The following TBC1D1 variants were observed in gnomAD, a reference collection of about 807,000 sequenced individuals.
TBC1D1 encodes the protein TBC1 domain family member 1, also known as TBC1 (tre-2/USP6, BUB2, cdc16) domain family, member 1.
TBC1D1 carries 89 observed loss-of-function variants against 125.6 expected under a neutral mutation model. The ratio of observed to expected loss-of-function variants is 0.71; its 90% CI spans 0.60 to 0.85. The LOEUF is 0.85. Among genes scored for constraint, TBC1D1 ranks in the 40% least tolerant of loss-of-function variants. The probability of loss-of-function intolerance (pLI) is 0.00; values close to 1 mark genes in which losing one functional copy is unlikely to be tolerated. For synonymous variants in TBC1D1, 565 were observed against 564.1 expected, an observed-to-expected ratio of 1.00 and a Z score of -0.02; for missense variants, 1,377 against 1,469.2, an observed-to-expected ratio of 0.94 and a Z score of 1.03.
chr4:37,912,882 T>C (rs1233449209), intron 2 of TBC1D1, among the ~76,000 whole-genome samples: 1 of 152,164 alleles, frequency 6.6e-6, no homozygotes, highest in Admixed American at 6.5e-5. Context: ...GTCTCAGGTA[T>C]TTTGTTATGG....
chr4:38,133,537 C>G (rs1765966058), intron 19 of TBC1D1, among the ~76,000 whole-genome samples: 1 of 152,170 alleles, frequency 6.6e-6, no homozygotes. Context: ...AACTTGGATT[C>G]AGGATGCCGT....
At chr4:37,918,679 C>A (rs1577847078) in intron 2 of TBC1D1, among the ~76,000 whole-genome samples, 1 of 152,174 alleles carries the variant, frequency 6.6e-6, no homozygotes, top group East Asian at 1.9e-4. Flanking sequence ...AACTCCCGAC[C>A]TCAGGTGGCC....
At chr4:37,928,017 T>A (rs78765170) in intron 2 of TBC1D1, among the ~76,000 whole-genome samples, 16,211 of 152,244 alleles carry the variant, frequency 0.11, 1,078 homozygotes, top group Middle Eastern at 0.16. Flanking sequence ...AAGCATGCAC[T>A]CTAGAGTTAC....
intron 2 of TBC1D1, chr4:38,006,770 C>T (rs1321264150): frequency 2.8e-5 from 13 of 466,354 alleles, no homozygotes; most frequent in East Asian, 1.9e-4. Flanking sequence ...TGAGCCACTG[C>T]GCCTGGCCCA....
At chr4:38,102,622 G>A (rs1211031414) in intron 14 of TBC1D1, among the ~76,000 whole-genome samples, 1 of 152,070 alleles carries the variant, frequency 6.6e-6, no homozygotes, top group African/African-American at 2.4e-5. Flanking sequence ...GCTCATCCCT[G>A]TAATCCCAGG....
intron 12 of TBC1D1, among the ~76,000 whole-genome samples, chr4:38,080,615 C>G (rs887874789): frequency 1.3e-5 from 2 of 152,228 alleles, no homozygotes; most frequent in African/African-American, 4.8e-5. Context: ...ATCTCCTTCC[C>G]AGTCGTGTGT....
At chr4:37,982,755 T>C (rs1470409808) in intron 2 of TBC1D1, among the ~76,000 whole-genome samples, 2 of 152,258 alleles carry the variant, frequency 1.3e-5, no homozygotes, top group African/African-American at 2.4e-5. Context: ...ACAAATTCTT[T>C]AATCTGATTT....
intron 12 of TBC1D1, among the ~76,000 whole-genome samples, chr4:38,089,618 T>C (rs998476110): frequency 6.6e-6 from 1 of 152,230 alleles, no homozygotes; most frequent in African/African-American, 2.4e-5. Flanking sequence ...TGTATGAACA[T>C]TTTCTGTAAT....
chr4:38,110,905 C>T (rs1762093288), intron 15 of TBC1D1, among the ~76,000 whole-genome samples: 1 of 152,228 alleles, frequency 6.6e-6, no homozygotes, highest in Non-Finnish European at 1.5e-5. Flanking sequence ...GGCCTTCTCT[C>T]CTGTCTTCTT....
At chr4:37,907,930 C>T (rs1157112402) in intron 2 of TBC1D1, among the ~76,000 whole-genome samples, 1 of 152,206 alleles carries the variant, frequency 6.6e-6, no homozygotes, top group African/African-American at 2.4e-5. Context: ...ATTGCATTTT[C>T]ATTCTTTTCT....
At chr4:38,099,656 A>G (rs1455286675) in intron 14 of TBC1D1, among the ~76,000 whole-genome samples, 2 of 152,122 alleles carry the variant, frequency 1.3e-5, no homozygotes, top group South Asian at 2.1e-4. Flanking sequence ...GTAAGAAGCT[A>G]TTTACATGGG....
intron 2 of TBC1D1, among the ~76,000 whole-genome samples, chr4:37,956,392 G>A (rs1471757625): frequency 1.3e-5 from 2 of 152,182 alleles, no homozygotes; most frequent in Non-Finnish European, 2.9e-5. Context: ...TCACTAGGAT[G>A]TAAGTTTCCC....
Position 38,054,237 on chromosome 4 carries a change from G to A in TBC1D1, c.1949G>A (p.Gly650Asp), listed in dbSNP as rs926062934. 3 of 1,614,046 alleles carry A rather than the reference G, an allele frequency of 1.9e-6. No individual in the cohort carries two copies. The highest frequency in any genetic ancestry group is 3.3e-5 in the Admixed American group (2 of 60,004). Residue 650 changes from glycine to aspartate, a missense_variant, in exon 12 of 20, where the codon GGT (glycine) becomes GAT (aspartate). Gly to Asp is a moderately conservative substitution (Grantham distance 94). Around this residue, in one of 3 missense-constraint regions of TBC1D1, gnomAD observed 12 missense variants for 31.1 expected, o/e 0.39. Transcript: ENST00000261439. Reference sequence around the variant, plus strand: ...AAAGCAAACCATCTTGGTGATTCTGGTGGGACTCCTGTGAAGACCCGGAGG... The same window carrying A: ...AAAGCAAACCATCTTGGTGATTCTGATGGGACTCCTGTGAAGACCCGGAGG...
At chr4:38,039,473 C>T (rs890024359) in intron 8 of TBC1D1, among the ~76,000 whole-genome samples, 19 of 152,022 alleles carry the variant, frequency 1.2e-4, no homozygotes, top group Non-Finnish European at 2.6e-4. Flanking sequence ...TTCTGAGACT[C>T]ATCAGAAACG....
At chr4:38,089,317 C>T (rs972249966) in intron 12 of TBC1D1, among the ~76,000 whole-genome samples, 3 of 152,204 alleles carry the variant, frequency 2.0e-5, no homozygotes, top group African/African-American at 7.2e-5. Context: ...GGTAGAAGGT[C>T]TGCTAGTGGT....
intron 1 of TBC1D1, among the ~76,000 whole-genome samples, chr4:37,891,909 A>G (rs1261702494): frequency 1.3e-5 from 2 of 151,910 alleles, no homozygotes; most frequent in Non-Finnish European, 2.9e-5. Context: ...TTCACCAGGC[A>G]TTAAGGTTTT....
chr4:38,104,292 C>G (rs1760893706), intron 15 of TBC1D1, among the ~76,000 whole-genome samples: 2 of 152,118 alleles, frequency 1.3e-5, no homozygotes, highest in Admixed American at 1.3e-4. Flanking sequence ...AACCTATCCC[C>G]CGAGGATGCC....
At position 37,946,758 on chromosome 4, in the gene TBC1D1, T is replaced by C. The variant is rs576237218; in HGVS notation, c.417+44246T>C. Among the ~76,000 whole-genome samples, 13 of 152,300 alleles carry C rather than the reference T, an allele frequency of 8.5e-5. No individual in the cohort carries two copies. In the South Asian group the frequency reaches 2.7e-3, roughly 32 times the overall value. ...CATGAGAAAGTGGGAGTTGCGGCAGTGTCGATTGTAGTTGTCCTTCTGCCT... is the reference window on the plus strand; with the variant it reads ...CATGAGAAAGTGGGAGTTGCGGCAGCGTCGATTGTAGTTGTCCTTCTGCCT... On this transcript the variant is annotated intron_variant, in intron 2 of 19. Transcript: ENST00000261439.
intron 12 of TBC1D1, among the ~76,000 whole-genome samples, chr4:38,078,919 A>G (rs932179716): frequency 2.6e-5 from 4 of 152,062 alleles, no homozygotes; most frequent in Admixed American, 6.5e-5. Context: ...TCTAGTTTTG[A>G]CCCTCATAAC....
Sources: gnomAD v4.1 joint callset for allele counts (sites outside exome capture counted in the v4.1 genomes callset) on GRCh38, gnomAD v4.1.1 for gene constraint, gnomAD v4.1.1 regional missense constraint, MANE v1.5 for transcripts, NCBI Gene and HGNC (gene_info 2026-07-23, HGNC 2026-07-21) for gene names.